STX6: variants seen among roughly 807,000 people sequenced by gnomAD.
The protein encoded by STX6 is syntaxin-6.
Under a neutral mutation model 38.0 loss-of-function variants are expected in STX6, and 23 were observed. The ratio of observed to expected loss-of-function variants is 0.60; its 90% CI spans 0.43 to 0.86. The LOEUF (loss-of-function observed/expected upper bound fraction) is 0.86. Among genes scored for constraint, STX6 ranks in the 40% least tolerant of loss-of-function variants. The pLI, the probability that STX6 is intolerant of heterozygous loss-of-function variation, is 0.00. For synonymous variants in STX6, 123 were observed against 107.5 expected (o/e 1.14, Z -0.89); for missense variants, 274 against 312.9 (o/e 0.88, Z 0.94).
At position 180,975,513 on chromosome 1, in the gene STX6, CTTGCCA is replaced by C. The variant is rs1301415303; in HGVS notation, c.*1051_*1056del. 6.6e-6 allele frequency: 1 copy of C among 152,634 alleles called. No individual in the cohort carries two copies. Among genetic ancestry groups the C allele is most frequent in the Non-Finnish European group, 1.5e-5 (1 of 68,034 alleles). The allele number at this position is 152,634 out of a possible 1,614,324, so 9.5% of individuals were successfully genotyped here. A position where few individuals can be genotyped will look rare whatever the true frequency, so the allele number is the denominator to read the frequency against. On this transcript the variant is annotated 3_prime_UTR_variant, in exon 8 of 8. Transcript: ENST00000258301. Reference sequence around the variant, plus strand: ...AAAGAACCAAGTTTACCTACACATCCTTGCCATTACCCACAGAGTAAGAGAAGTCTG... The same window carrying C: ...AAAGAACCAAGTTTACCTACACATCCTTACCCACAGAGTAAGAGAAGTCTG...
In STX6 at chr1:180,984,752, G is replaced by A. The variant is rs755304268; in HGVS notation, c.616C>T (p.His206Tyr). The change falls in exon 7 of 8, where the codon CAC (histidine) becomes TAC (tyrosine). Residue 206 changes from histidine (H) to tyrosine (Y), a missense_variant. Physicochemically the swap from His to Tyr is moderately conservative, Grantham distance 83. Coordinates refer to ENST00000258301, the MANE Select transcript of STX6 (RefSeq NM_005819.6). ...EQAVMLEDFS[H>Y]ELESTQSRLD... ...CGGGACTGAGTGCTCTCCAATTCGT[G>A]AGAGAAATCTTCCAACATACTAGAG... 12 of 1,584,014 alleles carry A rather than the reference G, an allele frequency of 7.6e-6. No individual in the cohort carries two copies. Among genetic ancestry groups the A allele is most frequent in the Admixed American group, 1.7e-5 (1 of 59,840 alleles).
rs1055909923 is a variant in STX6 at position 180,975,555 on chromosome 1, A to C, written c.*1015T>G. 4 of 152,714 alleles carry C rather than the reference A, an allele frequency of 2.6e-5. No individual in the cohort carries two copies. Among genetic ancestry groups the C allele is most frequent in the African/African-American group, 9.6e-5 (4 of 41,568 alleles). The allele number at this position is 152,714 out of a possible 1,614,324, so 9.5% of individuals were successfully genotyped here. A position where few individuals can be genotyped will look rare whatever the true frequency, so the allele number is the denominator to read the frequency against. ...AGTAAGAGAAGTCTGGCCCAGAGCT[A>C]ACCTTTTATGTCATTACGTTTCTTA... On this transcript the variant is annotated 3_prime_UTR_variant, in exon 8 of 8. Transcript: ENST00000258301.
In STX6 at chr1:180,973,656, C is replaced by G. The variant is rs1655178060; in HGVS notation, c.*2914G>C. 6.5e-6 allele frequency: 1 copy of G among 152,678 alleles called. No homozygotes were observed. The highest frequency in any genetic ancestry group is 1.5e-5 in the Non-Finnish European group (1 of 68,040). The allele number at this position is 152,678 out of a possible 1,614,324, so 9.5% of individuals were successfully genotyped here. A position where few individuals can be genotyped will look rare whatever the true frequency, so the allele number is the denominator to read the frequency against. Reference sequence around the variant, plus strand: ...TTGTGGAAGATCCTCATGTAACACACACGCTGCAACCTGCATTTGCCACAC... The same window carrying G: ...TTGTGGAAGATCCTCATGTAACACAGACGCTGCAACCTGCATTTGCCACAC... On this transcript the variant is annotated 3_prime_UTR_variant, in exon 8 of 8. Coordinates refer to ENST00000258301, the MANE Select transcript of STX6 (RefSeq NM_005819.6).
At chr1:181,001,912 C>G (rs1656089711) in intron 3 of STX6, among the ~76,000 whole-genome samples, 1 of 152,176 alleles carries the variant, frequency 6.6e-6, no homozygotes, top group South Asian at 2.1e-4. Context: ...GGCATGGTGG[C>G]TCACGCCAGT....
At chr1:180,986,162 C>T (rs1052295023) in intron 6 of STX6, among the ~76,000 whole-genome samples, 5 of 152,186 alleles carry the variant, frequency 3.3e-5, no homozygotes, top group Non-Finnish European at 4.4e-5. Context: ...ACCTTCAGTC[C>T]ATGGACACTC....
intron 5 of STX6, 137 bp downstream of exon 5, chr1:180,989,847 T>C (rs1655700511): frequency 3.7e-6 from 4 of 1,071,248 alleles, no homozygotes; most frequent in East Asian, 4.8e-5. Flanking sequence ...TATGCAATTA[T>C]TAAACACAAT....
intron 1 of STX6, among the ~76,000 whole-genome samples, chr1:181,014,762 G>A (rs1372751305): frequency 4.6e-5 from 7 of 152,046 alleles, no homozygotes; most frequent in East Asian, 1.9e-4. Context: ...CATTCACATC[G>A]TTTGTATTTG....
At chr1:180,978,279 C>T (rs1025013730) in intron 7 of STX6, among the ~76,000 whole-genome samples, 3 of 152,226 alleles carry the variant, frequency 2.0e-5, no homozygotes, top group African/African-American at 4.8e-5. Flanking sequence ...TGGTAAACTG[C>T]TGCCCCTAAA....
chr1:181,002,735 A>G (rs2102319942), intron 2 of STX6, 35 bp from the exon 3 acceptor site: 1 of 1,411,672 alleles, frequency 7.1e-7, no homozygotes, highest in Non-Finnish European at 1.0e-6. Flanking sequence ...CAATTTCATC[A>G]TCAAAGCCTG....
intron 3 of STX6, among the ~76,000 whole-genome samples, chr1:180,998,099 T>C (rs79910365): frequency 1.4e-3 from 206 of 152,374 alleles, no homozygotes; most frequent in African/African-American, 4.8e-3. Context: ...ATGCAAAGTC[T>C]TGTGCTATGT....
chr1:181,020,054 A>C (rs1329168311), intron 1 of STX6, among the ~76,000 whole-genome samples: 2 of 152,078 alleles, frequency 1.3e-5, no homozygotes, highest in African/African-American at 4.8e-5. Context: ...CATAGTCCTA[A>C]AAATACAAAA....
intron 2 of STX6, among the ~76,000 whole-genome samples, chr1:181,004,313 A>G (rs1036524869): frequency 6.6e-6 from 1 of 152,196 alleles, no homozygotes; most frequent in Admixed American, 6.5e-5. Flanking sequence ...TTGTATGTTA[A>G]TGGGATAATT....
At chr1:181,015,739 C>T (rs1205811493) in intron 1 of STX6, among the ~76,000 whole-genome samples, 1 of 151,286 alleles carries the variant, frequency 6.6e-6, no homozygotes, top group Non-Finnish European at 1.5e-5. Flanking sequence ...GTGATCTCAG[C>T]TCACTGCAAA....
chr1:181,019,750 AT>A (rs1656672479), intron 1 of STX6, among the ~76,000 whole-genome samples: 2 of 152,248 alleles, frequency 1.3e-5, no homozygotes, highest in Non-Finnish European at 2.9e-5. Context: ...CGGAAGCCAC[AT>A]ACAACTACTG....
chr1:180,993,049 T>C (rs1655798471), intron 4 of STX6, among the ~76,000 whole-genome samples: 1 of 152,120 alleles, frequency 6.6e-6, no homozygotes, highest in African/African-American at 2.4e-5. Context: ...ACACAAAATG[T>C]GTTCAATAGG....
intron 1 of STX6, among the ~76,000 whole-genome samples, chr1:181,009,863 ATATATG>A (rs1428712213): frequency 6.6e-6 from 1 of 150,800 alleles, no homozygotes; most frequent in Non-Finnish European, 1.5e-5. Context: ...AAACTGTAGT[ATATATG>A]TATAACAGAA....
At chr1:181,004,152 A>G (rs1571344751) in intron 2 of STX6, among the ~76,000 whole-genome samples, 1 of 152,284 alleles carries the variant, frequency 6.6e-6, no homozygotes, top group East Asian at 1.9e-4. Flanking sequence ...ACTTTCCACT[A>G]AAGAGGAAAC....
At position 181,002,693 on chromosome 1, in the gene STX6, A is replaced by G. The variant is rs1276705456; in HGVS notation, c.213T>C (p.Val71=). 6.2e-7 allele frequency: 1 copy of G among 1,611,998 alleles called. No individual in the cohort carries two copies. The highest frequency in any genetic ancestry group is 8.5e-7 in the Non-Finnish European group (1 of 1,178,340). Residue 71 remains valine (V), a synonymous_variant, in exon 3 of 8, where the codon GTT becomes GTC. Transcript: ENST00000258301. ...LEDLDETISI[V]EANPRKFNLD... is the part of the protein sequence containing the mutation. ...GGTTAAATTTTCTAGGATTTGCTTCAACTATGCGTAGGTCAAAAAGTCAAG... is the reference window on the plus strand; with the variant it reads ...GGTTAAATTTTCTAGGATTTGCTTCGACTATGCGTAGGTCAAAAAGTCAAG...
At chr1:180,998,797 A>G (rs1176258855) in intron 3 of STX6, among the ~76,000 whole-genome samples, 1 of 152,244 alleles carries the variant, frequency 6.6e-6, no homozygotes, top group Non-Finnish European at 1.5e-5. Context: ...AGTTTTAAAC[A>G]TTTTATAACA....
Sources: gnomAD v4.1 joint callset for allele counts (sites outside exome capture counted in the v4.1 genomes callset) on GRCh38, gnomAD v4.1.1 for gene constraint, MANE v1.5 for transcripts, NCBI Gene and HGNC (gene_info 2026-07-23, HGNC 2026-07-21) for gene names.